ATXN2: variants seen among roughly 807,000 people sequenced by gnomAD.
ATXN2 encodes the protein ataxin-2.
In ATXN2, 37 loss-of-function variants were observed where a neutral mutation model predicts 138.6. The observed-to-expected ratio is 0.27, with a 90% CI of 0.21 to 0.35. ATXN2 has a LOEUF of 0.35. ATXN2 is among the 10% of genes least tolerant of loss of function. ATXN2 has a pLI of 1.00. For synonymous variants in ATXN2, 549 were observed against 543.7 expected, an observed-to-expected ratio of 1.01 and a Z score of -0.13; for missense variants, 1,216 against 1,480.3, an observed-to-expected ratio of 0.82 and a Z score of 2.93.
intron 21 of ATXN2, among the ~76,000 whole-genome samples, chr12:111,461,992 G>A (rs574336277): frequency 1.3e-5 from 2 of 151,946 alleles, no homozygotes; most frequent in Non-Finnish European, 2.9e-5. Flanking sequence ...TCAGGGAAAA[G>A]GAGAGTGGAG....
chr12:111,524,645 T>C (rs1046912820), intron 6 of ATXN2, among the ~76,000 whole-genome samples: 3 of 152,206 alleles, frequency 2.0e-5, no homozygotes, highest in African/African-American at 2.4e-5. Flanking sequence ...AAAACTAGTA[T>C]GTGACAAGAG....
intron 1 of ATXN2, among the ~76,000 whole-genome samples, chr12:111,589,536 C>T (rs1884536439): frequency 6.6e-6 from 1 of 150,946 alleles, no homozygotes; most frequent in South Asian, 2.1e-4. Context: ...CTTCAGGAGG[C>T]CAAGGTATAT....
At chr12:111,488,844 G>T in intron 14 of ATXN2, 64 bp from the exon 15 acceptor site, 1 of 1,344,456 alleles carries the variant, frequency 7.4e-7, no homozygotes, top group Non-Finnish European at 1.0e-6. Context: ...TTTTTGCCAT[G>T]AGCACAAGCT....
chr12:111,592,140 A>G (rs1249683248), intron 1 of ATXN2, among the ~76,000 whole-genome samples: 1 of 151,850 alleles, frequency 6.6e-6, no homozygotes, highest in Non-Finnish European at 1.5e-5. Context: ...CTGTAATCCC[A>G]GCACTTTGGG....
rs115567704 is a variant in ATXN2 at position 111,561,670 on chromosome 12, C to T, written c.252-5751G>A. Among the ~76,000 whole-genome samples, 877 of 152,108 alleles carry T rather than the reference C, an allele frequency of 5.8e-3. 10 individuals carry two copies. Among genetic ancestry groups the T allele is most frequent in the African/African-American group, 0.02 (825 of 41,540 alleles). On this transcript the variant is annotated intron_variant, in intron 1 of 24. Transcript: ENST00000673436. ...CCAACATGGTGAAACTCCACCTCTACTAAAACTATAAAAATTAGCCACGTG... is the reference window on the plus strand; with the variant it reads ...CCAACATGGTGAAACTCCACCTCTATTAAAACTATAAAAATTAGCCACGTG...
rs1592893887 is a variant in ATXN2 at position 111,552,752 on chromosome 12, G to A, written c.420+154C>T. The A allele has an allele frequency of 1.7e-6, 1 of 582,914 alleles. No homozygotes were observed. Among genetic ancestry groups the A allele is most frequent in the Non-Finnish European group, 2.9e-6 (1 of 346,238 alleles). 36.1% of individuals were successfully genotyped at this position (582,914 alleles called of 1,614,324 possible). On this transcript the variant is annotated intron_variant, in intron 4 of 24. Coordinates refer to ENST00000673436, the MANE Select transcript of ATXN2 (RefSeq NM_001372574.1). The surrounding 1 kb of genome is among the most constrained non-coding windows in gnomAD (Gnocchi z 4.1). ...ATATTTTAATAAGCACACACATCAAGAAGCCTCTCTGATTACACAAACCAG... is the reference window on the plus strand; with the variant it reads ...ATATTTTAATAAGCACACACATCAAAAAGCCTCTCTGATTACACAAACCAG...
intron 14 of ATXN2, among the ~76,000 whole-genome samples, chr12:111,505,725 C>A (rs982325414): frequency 4.6e-5 from 7 of 152,130 alleles, no homozygotes; most frequent in African/African-American, 1.7e-4. Context: ...AAACAGAAAC[C>A]CTCATACCCT....
rs568615768 is a variant in ATXN2, at chr12:111,572,477, G to A, written c.252-16558C>T. On this transcript the variant is annotated intron_variant, in intron 1 of 24. Transcript: ENST00000673436. ...CTTGGATTAGGTCATAGAAAGCTTTGAAGGTAGACTCCCTCAGGCTTGGGA... is the reference window on the plus strand; with the variant it reads ...CTTGGATTAGGTCATAGAAAGCTTTAAAGGTAGACTCCCTCAGGCTTGGGA... Among the ~76,000 whole-genome samples, 20 of 152,158 alleles carry A rather than the reference G, an allele frequency of 1.3e-4. 1 individual carries two copies. In the South Asian group the frequency reaches 3.9e-3, roughly 30 times the overall value.
chr12:111,523,653 G>A (rs973183352), intron 6 of ATXN2, among the ~76,000 whole-genome samples: 7 of 152,178 alleles, frequency 4.6e-5, no homozygotes, highest in Admixed American at 3.9e-4. Context: ...TTGAACCCAG[G>A]AGGTGGAGGT....
chr12:111,535,289 G>A (rs2135759788), intron 5 of ATXN2, among the ~76,000 whole-genome samples: 2 of 152,320 alleles, frequency 1.3e-5, no homozygotes, highest in East Asian at 3.9e-4. Context: ...ACTCTAGTTA[G>A]TAAGGTAGAT....
rs545796364 is a variant in ATXN2 at position 111,512,273 on chromosome 12, C to A, written c.1558+1084G>T. On this transcript the variant is annotated intron_variant, in intron 11 of 24. Coordinates refer to ENST00000673436, the MANE Select transcript of ATXN2 (RefSeq NM_001372574.1). ...GCCGATCTTGTTTCTTTTAAAGGTT[C>A]TCTGGACTGATTAAAAGAGAAAAAG... Among the ~76,000 whole-genome samples the A allele has an allele frequency of 2.8e-3, 422 of 151,700 alleles. 4 individuals are homozygous for A. The highest frequency in any genetic ancestry group is 9.6e-3 in the African/African-American group (399 of 41,366).
chr12:111,495,665 A>G (rs1235255669), intron 14 of ATXN2, among the ~76,000 whole-genome samples: 1 of 152,208 alleles, frequency 6.6e-6, no homozygotes, highest in Non-Finnish European at 1.5e-5. Context: ...CCCCACTCTC[A>G]GCAATGGACA....
rs1878753406 is a variant in ATXN2, at chr12:111,501,424, GT to G, written c.1935+8124del. Among the ~76,000 whole-genome samples, 3 of 152,256 alleles carry G rather than the reference GT, an allele frequency of 2.0e-5. No homozygotes were observed. In the South Asian group the frequency reaches 6.2e-4, roughly 32 times the overall value. Reference sequence around the variant, plus strand: ...CGGACCTAAGCCACAGCCCCAGGTGGTGAGAAACAAGCTAAAGAGAAACCTA... The same window carrying G: ...CGGACCTAAGCCACAGCCCCAGGTGGGAGAAACAAGCTAAAGAGAAACCTA... On this transcript the variant is annotated intron_variant, in intron 14 of 24. Coordinates refer to ENST00000673436, the MANE Select transcript of ATXN2 (RefSeq NM_001372574.1).
intron 1 of ATXN2, among the ~76,000 whole-genome samples, chr12:111,580,549 G>A (rs1400649711): frequency 1.3e-5 from 2 of 150,518 alleles, no homozygotes; most frequent in Non-Finnish European, 3.0e-5. Context: ...AACGGGAGGT[G>A]GGTGTAGTCC....
At chr12:111,536,777 G>GTTTTTTT (rs750371516) in intron 5 of ATXN2, among the ~76,000 whole-genome samples, 7 of 96,808 alleles carry the variant, frequency 7.2e-5, no homozygotes, top group African/African-American at 9.1e-5. Context: ...TCCACACGCA[G>GTTTTTTT]TTTTTTTTTT....
At chr12:111,457,082 G>A in intron 22 of ATXN2, 132 bp downstream of exon 22, 1 of 1,150,504 alleles carries the variant, frequency 8.7e-7, no homozygotes, top group South Asian at 1.7e-5. Flanking sequence ...CACCCCAGGG[G>A]CACAGCTGTA....
At chr12:111,459,146 T>G (rs1249824115) in intron 21 of ATXN2, among the ~76,000 whole-genome samples, 1 of 152,226 alleles carries the variant, frequency 6.6e-6, no homozygotes, top group East Asian at 1.9e-4. Flanking sequence ...AAGAAAACTG[T>G]GGCAACATAG....
intron 1 of ATXN2, among the ~76,000 whole-genome samples, chr12:111,560,555 G>A (rs1882625394): frequency 6.6e-6 from 1 of 152,148 alleles, no homozygotes; most frequent in Non-Finnish European, 1.5e-5. Flanking sequence ...AGTGATGGTA[G>A]GCATACCCAA....
chr12:111,534,516 C>A (rs371049898), intron 5 of ATXN2, among the ~76,000 whole-genome samples: 1 of 151,974 alleles, frequency 6.6e-6, no homozygotes, highest in African/African-American at 2.4e-5. Context: ...TTGGGGGGGA[C>A]GCATTTCCTT....
Sources: allele counts gnomAD v4.1 joint callset (sites outside exome capture counted in the v4.1 genomes callset), GRCh38; gene constraint gnomAD v4.1.1; non-coding constraint Gnocchi (gnomAD v3.1); transcripts MANE v1.5; gene names NCBI Gene and HGNC (gene_info 2026-07-23, HGNC 2026-07-21).